The following PPME1 variants were observed in gnomAD, a reference collection of about 807,000 sequenced individuals.
PPME1 encodes protein phosphatase methylesterase 1, also known as testicular secretory protein Li 39.
PPME1 carries 17 observed loss-of-function variants against 56.9 expected under a neutral mutation model. That is an observed-to-expected ratio of 0.30 (90% CI 0.20 to 0.45). PPME1 has a LOEUF of 0.45. Among genes scored for constraint, PPME1 ranks in the 20% least tolerant of loss-of-function variants. The probability of loss-of-function intolerance (pLI) is 1.00; values close to 1 mark genes in which losing one functional copy is unlikely to be tolerated. For synonymous variants in PPME1, 122 were observed against 156.2 expected, an observed-to-expected ratio of 0.78 and a Z score of 1.63; for missense variants, 357 against 483.2, an observed-to-expected ratio of 0.74 and a Z score of 2.45.
intron 5 of PPME1, among the ~76,000 whole-genome samples, chr11:74,226,056 G>C (rs1858925136): frequency 1.3e-5 from 2 of 152,092 alleles, no homozygotes; most frequent in Admixed American, 6.6e-5. Context: ...TTTTCCTTCA[G>C]AGCCCAAACT....
chr11:74,222,436 C>T, intron 4 of PPME1, 67 bp downstream of exon 4: 1 of 1,367,544 alleles, frequency 7.3e-7, no homozygotes, highest in South Asian at 1.2e-5. Context: ...ATAGTTGTAA[C>T]TATTAGAAAT....
chr11:74,182,296 C>T (rs537431851), intron 1 of PPME1, among the ~76,000 whole-genome samples: 3 of 152,076 alleles, frequency 2.0e-5, no homozygotes, highest in East Asian at 3.9e-4. Context: ...GGAAAACTGT[C>T]TAATGGAAAC....
chr11:74,239,958 A>AC (rs1859312670), intron 9 of PPME1, among the ~76,000 whole-genome samples: 1 of 89,920 alleles, frequency 1.1e-5, no homozygotes, highest in Non-Finnish European at 2.4e-5. Flanking sequence ...TTTTCTTTCC[A>AC]TTTTTTTTTT....
chr11:74,218,291 G>T (rs1393935413), intron 3 of PPME1, among the ~76,000 whole-genome samples: 1 of 152,158 alleles, frequency 6.6e-6, no homozygotes, highest in Non-Finnish European at 1.5e-5. Context: ...CATGTTCAGG[G>T]ATTGGAAGAA....
intron 8 of PPME1, 61 bp downstream of exon 8, chr11:74,236,027 G>C: frequency 6.3e-7 from 1 of 1,578,216 alleles, no homozygotes; most frequent in Non-Finnish European, 8.6e-7. Context: ...GGGAATTACA[G>C]ATTGCTTCTT....
intron 12 of PPME1, chr11:74,251,409 C>T: frequency 1.4e-6 from 2 of 1,379,654 alleles, no homozygotes; most frequent in Non-Finnish European, 1.9e-6. Context: ...TCTGAGGGCA[C>T]ACATAAGCCC....
intron 1 of PPME1, among the ~76,000 whole-genome samples, chr11:74,193,535 G>A (rs892105073): frequency 2.0e-5 from 3 of 152,162 alleles, no homozygotes; most frequent in Non-Finnish European, 4.4e-5. Context: ...TTGGATGAGG[G>A]ATACTCAACC....
intron 3 of PPME1, among the ~76,000 whole-genome samples, chr11:74,217,813 T>G (rs1858695583): frequency 6.6e-6 from 1 of 151,878 alleles, no homozygotes; most frequent in Non-Finnish European, 1.5e-5. Context: ...GACCCACAGC[T>G]TGTATAATAC....
rs748317871 is a variant in PPME1, at chr11:74,204,349, A to G, written c.196-4A>G. 3.1e-6 allele frequency: 5 copies of G among 1,605,540 alleles called. No homozygotes were observed. Among genetic ancestry groups the G allele is most frequent in the South Asian group, 1.1e-5 (1 of 90,566 alleles). On this transcript the variant is annotated splice_region_variant and splice_polypyrimidine_tract_variant and intron_variant, in intron 2 of 13. Coordinates refer to ENST00000328257, the MANE Select transcript of PPME1 (RefSeq NM_016147.3). Reference sequence around the variant, plus strand: ...ATAGATGTTTTATCTTTAACTATTCATACACTTTTCGAGTCTACAAGAGTG... The same window carrying G: ...ATAGATGTTTTATCTTTAACTATTCGTACACTTTTCGAGTCTACAAGAGTG...
chr11:74,253,492 T>G lies in PPME1; in HGVS notation c.1143T>G (p.Cys381Trp). The G allele has an allele frequency of 6.2e-7, 1 of 1,607,730 alleles. No homozygotes were observed. The highest frequency in any genetic ancestry group is 8.5e-7 in the Non-Finnish European group (1 of 1,174,178). The change falls in exon 14 of 14, where the codon TGT (cysteine) becomes TGG (tryptophan). Residue 381 changes from cysteine (C) to tryptophan (W), a missense_variant and splice_region_variant. By Grantham distance (215) the Cys-to-Trp change is radical. Transcript: ENST00000328257. ...TCCTTCTCTTTCTGTTCTTCCACAG[T>G]GTGTTTCCTGGCTGTTAGTGACCTG... ...RFAEPIGGFQ[C>W]VFPGC
At chr11:74,215,935 A>G (rs772838369) in intron 3 of PPME1, among the ~76,000 whole-genome samples, 20 of 152,220 alleles carry the variant, frequency 1.3e-4, no homozygotes, top group African/African-American at 4.3e-4. Flanking sequence ...AAGGGGGTCA[A>G]TTCAGCAAGA....
At position 74,225,344 on chromosome 11, in the gene PPME1, T is replaced by C. The variant is rs536854809; in HGVS notation, c.398+88T>C. On this transcript the variant is annotated intron_variant, in intron 5 of 13. Transcript: ENST00000328257. ...AACTTTATCACTTTCCTGATGAGAT[T>C]GTTGGGGAATAATTACCACAAGGAA... 1.1e-4 allele frequency: 109 copies of C among 987,322 alleles called. No homozygotes were observed. The African/African-American group carries it at 1.5e-3, about 13-fold the overall frequency. The allele number at this position is 987,322 out of a possible 1,614,324, so 61.2% of individuals were successfully genotyped here.
intron 1 of PPME1, among the ~76,000 whole-genome samples, chr11:74,180,324 G>A (rs1227919242): frequency 6.6e-6 from 1 of 152,120 alleles, no homozygotes; most frequent in African/African-American, 2.4e-5. Context: ...CATAAGGGTA[G>A]GAATTGTGTC....
At chr11:74,238,351 C>A (rs1026860740) in intron 8 of PPME1, 2 of 152,114 alleles carry the variant, frequency 1.3e-5, no homozygotes, top group South Asian at 4.1e-4. Context: ...TTGAATTTAT[C>A]CCAGTCTCTT....
chr11:74,253,843 G>C lies in PPME1; in HGVS notation c.*333G>C, dbSNP rs867269232. 25 of 459,350 alleles carry C rather than the reference G, an allele frequency of 5.4e-5. No individual in the cohort carries two copies. The highest frequency in any genetic ancestry group is 5.7e-4 in the Middle Eastern group (1 of 1,762). 28.5% of individuals were successfully genotyped at this position (459,350 alleles called of 1,614,324 possible). A position where few individuals can be genotyped will look rare whatever the true frequency, so the allele number is the denominator to read the frequency against. On this transcript the variant is annotated 3_prime_UTR_variant, in exon 14 of 14. Coordinates refer to ENST00000328257, the MANE Select transcript of PPME1 (RefSeq NM_016147.3). The stretch of plus-strand genomic sequence containing the variant: ...TGAGCCCCTCTTCCTAGCATCAGGC[G>C]ATACATCTGAGTTCAAATGTCTTCC...
chr11:74,223,299 T>C (rs1382114723), intron 4 of PPME1, among the ~76,000 whole-genome samples: 1 of 151,304 alleles, frequency 6.6e-6, no homozygotes, highest in African/African-American at 2.4e-5. Flanking sequence ...TGCATAGTAT[T>C]CCATGGTGTA....
chr11:74,208,437 T>C (rs1197724666), intron 3 of PPME1, among the ~76,000 whole-genome samples: 1 of 152,170 alleles, frequency 6.6e-6, no homozygotes, highest in Non-Finnish European at 1.5e-5. Flanking sequence ...ATTAAACATA[T>C]GTTCCATCTT....
chr11:74,178,632 A>T (rs1300964990), intron 1 of PPME1, among the ~76,000 whole-genome samples: 3 of 152,172 alleles, frequency 2.0e-5, no homozygotes, highest in Non-Finnish European at 4.4e-5. Context: ...TTGCAGTGTA[A>T]GTATAGGAAG....
intron 13 of PPME1, 138 bp downstream of exon 13, chr11:74,251,853 G>A (rs771522883): frequency 4.4e-5 from 47 of 1,070,206 alleles, no homozygotes; most frequent in Non-Finnish European, 6.1e-5. Flanking sequence ...CCTCAGTGAA[G>A]AGCCTGGCAT....
Sources: gnomAD v4.1 joint callset for allele counts (sites outside exome capture counted in the v4.1 genomes callset) on GRCh38, gnomAD v4.1.1 for gene constraint, MANE v1.5 for transcripts, NCBI Gene and HGNC (gene_info 2026-07-23, HGNC 2026-07-21) for gene names.